Variants in SYNPO2 observed in about 807,000 individuals in gnomAD.
The protein encoded by SYNPO2 is synaptopodin-2.
A neutral mutation model predicts 85.0 loss-of-function variants in SYNPO2; 56 were observed. The ratio of observed to expected loss-of-function variants is 0.66; its 90% CI spans 0.53 to 0.82. SYNPO2 has a LOEUF of 0.82. Among genes scored for constraint, SYNPO2 ranks in the 40% least tolerant of loss-of-function variants. SYNPO2 has a pLI of 0.00. For missense variants in SYNPO2, 1,575 were observed against 1,534.2 expected (o/e 1.03, Z -0.44); for synonymous variants, 602 against 591.1 (o/e 1.02, Z -0.27).
At chr4:118,880,303 TG>T (rs1732058300) in intron 1 of SYNPO2, among the ~76,000 whole-genome samples, 1 of 152,318 alleles carries the variant, frequency 6.6e-6, no homozygotes, top group Non-Finnish European at 1.5e-5. Context: ...ATTCTTGTTA[TG>T]GGGGGAATTA....
chr4:118,880,746 CAAAA>C (rs11348298), intron 1 of SYNPO2, among the ~76,000 whole-genome samples: 5 of 131,782 alleles, frequency 3.8e-5, no homozygotes, highest in Non-Finnish European at 3.2e-5. Flanking sequence ...GACTCTGTCC[CAAAA>C]AAAAAAAAAA....
intron 1 of SYNPO2, among the ~76,000 whole-genome samples, chr4:118,926,626 G>T (rs1432220653): frequency 1.3e-5 from 2 of 152,180 alleles, no homozygotes; most frequent in Non-Finnish European, 2.9e-5. Context: ...CAGCAACCCT[G>T]AGAGCTGGGT....
At chr4:118,892,611 T>A (rs1732413073) in intron 1 of SYNPO2, among the ~76,000 whole-genome samples, 1 of 152,088 alleles carries the variant, frequency 6.6e-6, no homozygotes, top group African/African-American at 2.4e-5. Context: ...GGGGAGAAAT[T>A]TTTGTTTTAC....
chr4:118,864,035 C>T lies in SYNPO2; in HGVS notation c.12+13095C>T, dbSNP rs368100409. On this transcript the variant is annotated intron_variant, in intron 1 of 4. Coordinates refer to the SYNPO2 transcript ENST00000610556. Reference sequence around the variant, plus strand: ...CTCTTGTTTTTCCAGTTATTTAAGACGCATCACTAGCTTGTTTATTTGAAG... The same window carrying T: ...CTCTTGTTTTTCCAGTTATTTAAGATGCATCACTAGCTTGTTTATTTGAAG... Among the ~76,000 whole-genome samples the T allele has an allele frequency of 5.0e-4, 76 of 152,246 alleles. No homozygotes were observed. In the East Asian group the frequency reaches 7.9e-3, roughly 16 times the overall value.
In SYNPO2 at chr4:119,031,003, G is replaced by A. The variant is rs1738224564; in HGVS notation, c.2228G>A (p.Cys743Tyr). Reference sequence around the variant, plus strand: ...TACCTCAGCTTGGGGGCAGAGGCTTGTAATTTCATGCAAAGCTCCTCTGCC... The same window carrying A: ...TACCTCAGCTTGGGGGCAGAGGCTTATAATTTCATGCAAAGCTCCTCTGCC... ...EDYLSLGAEACNFMQSSSAKQ... is the reference protein window; with the variant it reads ...EDYLSLGAEAYNFMQSSSAKQ... Residue 743 changes from cysteine (C) to tyrosine (Y), a missense_variant, in exon 4 of 5, where the codon TGT becomes TAT. Physicochemically the swap from Cys to Tyr is radical, Grantham distance 194 (BLOSUM62 -2). Around this residue, in one of 3 missense-constraint regions of SYNPO2, gnomAD observed 1,508 missense variants for 1,446.8 expected, o/e 1.04. Coordinates refer to ENST00000307142, the MANE Select transcript of SYNPO2 (RefSeq NM_133477.3). The A allele has an allele frequency of 2.4e-5, 38 of 1,614,140 alleles. No individual in the cohort carries two copies. Among genetic ancestry groups the A allele is most frequent in the Non-Finnish European group, 3.1e-5 (37 of 1,180,032 alleles).
intron 4 of SYNPO2, among the ~76,000 whole-genome samples, chr4:119,048,125 C>T (rs1738926530): frequency 6.6e-6 from 1 of 152,182 alleles, no homozygotes; most frequent in Non-Finnish European, 1.5e-5. Flanking sequence ...AATCTTCCAC[C>T]TGTTTAGAAA....
At chr4:118,997,779 A>G (rs1352121121) in intron 1 of SYNPO2, among the ~76,000 whole-genome samples, 1 of 152,200 alleles carries the variant, frequency 6.6e-6, no homozygotes, top group Non-Finnish European at 1.5e-5. Context: ...TTCTATTTCT[A>G]GACAACCCAT....
At chr4:118,971,134 G>A (rs1291705881) in intron 1 of SYNPO2, among the ~76,000 whole-genome samples, 1 of 152,104 alleles carries the variant, frequency 6.6e-6, no homozygotes, top group African/African-American at 2.4e-5. Context: ...GTTATTCTTT[G>A]ACATGAAGAT....
intron 1 of SYNPO2, among the ~76,000 whole-genome samples, chr4:118,969,849 G>C (rs913894774): frequency 6.6e-6 from 1 of 150,670 alleles, no homozygotes; most frequent in African/African-American, 2.4e-5. Context: ...AAAATGATTT[G>C]AGATGAGAAC....
chr4:118,983,221 A>G (rs1236431916), intron 1 of SYNPO2, among the ~76,000 whole-genome samples: 1 of 151,908 alleles, frequency 6.6e-6, no homozygotes, highest in Non-Finnish European at 1.5e-5. Context: ...ATCTTGTTCC[A>G]TCAAACATCT....
chr4:118,904,804 TGA>T (rs1209974610), intron 1 of SYNPO2, among the ~76,000 whole-genome samples: 1 of 151,504 alleles, frequency 6.6e-6, no homozygotes, highest in Non-Finnish European at 1.5e-5. Flanking sequence ...ACAAAATCTG[TGA>T]GAGTCGGATA....
chr4:119,032,041 C>T lies in SYNPO2; in HGVS notation c.3252+14C>T, dbSNP rs1738297690. On this transcript the variant is annotated intron_variant, in intron 4 of 4. Coordinates refer to ENST00000307142, the MANE Select transcript of SYNPO2 (RefSeq NM_133477.3). ...GTCACAATTCAGGTGTGGAAACCAT[C>T]TGTTGTGGAAGAGTAATCTTGTAGC... The T allele has an allele frequency of 1.2e-6, 2 of 1,613,306 alleles. No individual in the cohort carries two copies. Among genetic ancestry groups the T allele is most frequent in the African/African-American group, 1.3e-5 (1 of 75,068 alleles).
intron 1 of SYNPO2, among the ~76,000 whole-genome samples, chr4:118,855,081 A>G (rs1253651085): frequency 2.0e-5 from 3 of 151,996 alleles, no homozygotes; most frequent in Non-Finnish European, 1.5e-5. Context: ...AATGACAACA[A>G]TATTTGCAAA....
chr4:118,900,701 CTCTATA>C (rs1274813151), intron 1 of SYNPO2, among the ~76,000 whole-genome samples: 43 of 27,194 alleles, frequency 1.6e-3, no homozygotes, highest in African/African-American at 1.9e-3. Context: ...CTCTCTCTCT[CTCTATA>C]TATATATATA....
At chr4:118,934,289 C>T (rs1212055290) in intron 1 of SYNPO2, among the ~76,000 whole-genome samples, 1 of 152,170 alleles carries the variant, frequency 6.6e-6, no homozygotes, top group African/African-American at 2.4e-5. Context: ...ATCTACTAGT[C>T]TCGTGATGTG....
chr4:118,879,489 T>A (rs1203867437), intron 1 of SYNPO2, among the ~76,000 whole-genome samples: 1 of 152,148 alleles, frequency 6.6e-6, no homozygotes, highest in Non-Finnish European at 1.5e-5. Flanking sequence ...ACAAGAGAGA[T>A]GATCTTTCTC....
chr4:118,934,669 C>A (rs989948091), intron 1 of SYNPO2, among the ~76,000 whole-genome samples: 33 of 152,150 alleles, frequency 2.2e-4, no homozygotes, highest in African/African-American at 7.5e-4. Flanking sequence ...GAGACATAAT[C>A]AACTCTACAA....
rs1424621331 is a variant in SYNPO2, at chr4:119,037,248, C to T, written c.3252+5221C>T. ...GAAACACAAAGAAATCCTGCTTTCA[C>T]ATCTCCTATTTCTTGGGCTCCTTAA... On this transcript the variant is annotated intron_variant, in intron 4 of 4. Transcript: ENST00000307142. The T allele has an allele frequency of 2.7e-6, 4 of 1,485,456 alleles. No homozygotes were observed. In the African/African-American group the frequency reaches 5.6e-5, roughly 21 times the overall value. 92.0% of individuals were successfully genotyped at this position (1,485,456 alleles called of 1,614,324 possible). A position where few individuals can be genotyped will look rare whatever the true frequency, so the allele number is the denominator to read the frequency against.
chr4:118,895,348 G>A (rs1732517535), intron 1 of SYNPO2, among the ~76,000 whole-genome samples: 2 of 152,196 alleles, frequency 1.3e-5, no homozygotes, highest in African/African-American at 4.8e-5. Flanking sequence ...ATGTGAAGAG[G>A]AAAGGGGCAG....
Sources: allele counts gnomAD v4.1 joint callset (sites outside exome capture counted in the v4.1 genomes callset), GRCh38; gene constraint gnomAD v4.1.1; regional missense constraint gnomAD v4.1.1; transcripts MANE v1.5; gene names NCBI Gene and HGNC (gene_info 2026-07-23, HGNC 2026-07-21).